Variants in PAX8 observed in about 807,000 individuals in gnomAD.
PAX8 encodes paired box 8, also known as paired box protein Pax-8.
Under a neutral mutation model 52.4 loss-of-function variants are expected in PAX8, and 15 were observed. The observed-to-expected ratio is 0.29, with a 90% CI of 0.19 to 0.44. PAX8 has a LOEUF of 0.44. Ranked by LOEUF, PAX8 falls within the 20% of genes least tolerant of loss-of-function variation. PAX8 has a pLI of 1.00. For synonymous variants in PAX8, 284 were observed against 249.7 expected (o/e 1.14, Z -1.29); for missense variants, 554 against 602.5 (o/e 0.92, Z 0.84).
At chr2:113,253,932 C>A (rs1691989134) in intron 2 of PAX8, among the ~76,000 whole-genome samples, 1 of 152,100 alleles carries the variant, frequency 6.6e-6, no homozygotes, top group Non-Finnish European at 1.5e-5. Flanking sequence ...TTTTGCATAA[C>A]TATATATGTA....
chr2:113,218,444 T>G lies in PAX8; in HGVS notation c.*89A>C. 1 of 682,110 alleles carries G rather than the reference T, an allele frequency of 1.5e-6. No individual in the cohort carries two copies. The highest frequency in any genetic ancestry group is 2.4e-6 in the Non-Finnish European group (1 of 412,012). The allele number at this position is 682,110 out of a possible 1,614,324, so 42.3% of individuals were successfully genotyped here. A position where few individuals can be genotyped will look rare whatever the true frequency, so the allele number is the denominator to read the frequency against. On this transcript the variant is annotated 3_prime_UTR_variant, in exon 12 of 12. Transcript: ENST00000429538. ...GGACTTGTGGTTATTTTTCATGTAA[T>G]AAATAAAGATTCCTTTGTGTGACTC...
intron 9 of PAX8, among the ~76,000 whole-genome samples, chr2:113,228,708 C>T (rs552754888): frequency 6.6e-6 from 1 of 152,314 alleles, no homozygotes; most frequent in Admixed American, 6.5e-5. Flanking sequence ...CTTTTTCCTC[C>T]CAGGACCTGT....
intron 7 of PAX8, chr2:113,240,898 CTG>C (rs34208622): frequency 0.15 from 23,952 of 163,784 alleles, 2,009 homozygotes; most frequent in Non-Finnish European, 0.19. Flanking sequence ...TTAAGTGACA[CTG>C]TGAGAAGCTA....
Position 113,220,293 on chromosome 2 carries a change from C to T in PAX8, c.1190-115G>A. Reference sequence around the variant, plus strand: ...GCAAGCTCAGGAATGGTTGGGGAGACAGTTGGAGCCACGGCAGGGACAATG... The same window carrying T: ...GCAAGCTCAGGAATGGTTGGGGAGATAGTTGGAGCCACGGCAGGGACAATG... On this transcript the variant is annotated intron_variant, in intron 10 of 11. Coordinates refer to ENST00000429538, the MANE Select transcript of PAX8 (RefSeq NM_003466.4). 6.8e-6 allele frequency: 5 copies of T among 733,370 alleles called. No individual in the cohort carries two copies. The South Asian group carries it at 7.6e-5, about 11-fold the overall frequency. The allele number at this position is 733,370 out of a possible 1,614,324, so 45.4% of individuals were successfully genotyped here.
chr2:113,219,166 G>A (rs1689139834), intron 11 of PAX8, among the ~76,000 whole-genome samples: 1 of 152,188 alleles, frequency 6.6e-6, no homozygotes, highest in South Asian at 2.1e-4. Context: ...TAAATTGAAT[G>A]GAAAGCTGGG....
At chr2:113,236,770 C>A in intron 7 of PAX8, 49 bp from the exon 8 acceptor site, 1 of 1,538,990 alleles carries the variant, frequency 6.5e-7, no homozygotes, top group Non-Finnish European at 8.7e-7. Context: ...AACAAGCCGA[C>A]CTTCCTGCAG....
chr2:113,277,829 G>C (rs993093664), intron 2 of PAX8, among the ~76,000 whole-genome samples: 1 of 152,128 alleles, frequency 6.6e-6, no homozygotes, highest in African/African-American at 2.4e-5. Flanking sequence ...GCCCGGTGCT[G>C]GGCCAGGAGG....
intron 9 of PAX8, among the ~76,000 whole-genome samples, chr2:113,233,677 CAAAAAACAA>C (rs1553412652): frequency 0.044 from 3,072 of 69,690 alleles, 122 homozygotes; most frequent in African/African-American, 0.15. Context: ...GATTCCATCT[CAAAAAACAA>C]AAAAACAAAA....
intron 2 of PAX8, among the ~76,000 whole-genome samples, chr2:113,258,922 A>G (rs1357923223): frequency 6.6e-6 from 1 of 151,974 alleles, no homozygotes; most frequent in African/African-American, 2.4e-5. Flanking sequence ...ATGTCAATAG[A>G]CCTCTAAGCT....
rs905857737 is a variant in PAX8, at chr2:113,227,002, G to C, written c.1189+153C>G. ...GACTGCACTGGGACATCGTCTCCAG[G>C]CATTTACAAGGAGATGCCCTCTTTG... On this transcript the variant is annotated intron_variant, in intron 10 of 11. Coordinates refer to ENST00000429538, the MANE Select transcript of PAX8 (RefSeq NM_003466.4). The C allele has an allele frequency of 3.3e-6, 5 of 1,528,424 alleles. No homozygotes were observed. The African/African-American group carries it at 5.5e-5, about 17-fold the overall frequency. 94.7% of individuals were successfully genotyped at this position (1,528,424 alleles called of 1,614,324 possible).
intron 7 of PAX8, chr2:113,240,228 G>A (rs753060389): frequency 2.0e-5 from 3 of 152,276 alleles, no homozygotes; most frequent in Non-Finnish European, 4.4e-5. Context: ...AGCACCCCAG[G>A]CCCTCTCCCC....
intron 2 of PAX8, among the ~76,000 whole-genome samples, chr2:113,257,606 T>C (rs374137655): frequency 5.3e-5 from 8 of 152,120 alleles, no homozygotes; most frequent in East Asian, 1.9e-4. Flanking sequence ...GGGAGGGAGA[T>C]AGAGGATGGA....
intron 2 of PAX8, among the ~76,000 whole-genome samples, chr2:113,265,025 G>T (rs954881511): frequency 1.3e-5 from 2 of 152,230 alleles, no homozygotes; most frequent in African/African-American, 4.8e-5. Flanking sequence ...GCTTGTTAAT[G>T]ATTGGATTAA....
chr2:113,260,370 T>C (rs552025136), intron 2 of PAX8, among the ~76,000 whole-genome samples: 17 of 152,200 alleles, frequency 1.1e-4, no homozygotes, highest in African/African-American at 4.1e-4. Context: ...TGTGTGAGTA[T>C]GTGTGTGTGT....
At chr2:113,233,019 A>ACCCCCCCCCCCCCCC (rs1341874130) in intron 9 of PAX8, among the ~76,000 whole-genome samples, 2 of 98,326 alleles carry the variant, frequency 2.0e-5, no homozygotes, top group African/African-American at 4.1e-5. Context: ...TCTTCTCCTC[A>ACCCCCCCCCCCCCCC]CCCCCTCCCC....
At chr2:113,236,562 C>CCCG in intron 8 of PAX8, 39 bp downstream of exon 8, 1 of 1,544,270 alleles carries the variant, frequency 6.5e-7, no homozygotes, top group Non-Finnish European at 8.7e-7. Context: ...TCTTCAGTCC[C>CCCG]CCGCCCTCCA....
chr2:113,241,628 C>G lies in PAX8; in HGVS notation c.700G>C (p.Glu234Gln), dbSNP rs201093713. The change falls in exon 7 of 12, where the codon GAG becomes CAG. Residue 234 changes from glutamate to glutamine, a missense_variant. Glu to Gln is a conservative substitution (Grantham distance 29). Transcript: ENST00000429538. ...CGCTCAAATGGGCACTCGAGCGGCT[C>G]GAGGTGGTGCTGGCTGAAGGCATCC... Reference protein sequence around the residue: ...RTDAFSQHHLEPLECPFERQH... With the variant: ...RTDAFSQHHLQPLECPFERQH... 1.2e-6 allele frequency: 2 copies of G among 1,613,740 alleles called. No homozygotes were observed. The highest frequency in any genetic ancestry group is 1.3e-5 in the African/African-American group (1 of 74,880).
chr2:113,243,740 AC>A (rs1172307608), intron 4 of PAX8, among the ~76,000 whole-genome samples: 6 of 152,188 alleles, frequency 3.9e-5, no homozygotes, highest in Non-Finnish European at 8.8e-5. Flanking sequence ...CCTTTGCATA[AC>A]TGTCTGAGCT....
chr2:113,244,298 C>G, intron 4 of PAX8, 129 bp downstream of exon 4: 1 of 782,334 alleles, frequency 1.3e-6, no homozygotes, highest in Non-Finnish European at 2.3e-6. Context: ...GTGCTCCCTG[C>G]CTGATTGTTC....
Sources: gnomAD v4.1 joint callset for allele counts (sites outside exome capture counted in the v4.1 genomes callset) on GRCh38, gnomAD v4.1.1 for gene constraint, MANE v1.5 for transcripts, NCBI Gene and HGNC (gene_info 2026-07-23, HGNC 2026-07-21) for gene names.